PRRC1: variants seen among roughly 807,000 people sequenced by gnomAD.
PRRC1 encodes the protein proline rich coiled-coil 1, also known as protein PRRC1.
Under a neutral mutation model 40.7 loss-of-function variants are expected in PRRC1, and 39 were observed. That is an observed-to-expected ratio of 0.96 (90% CI 0.74 to 1.25). The LOEUF is 1.25. PRRC1 is among the 50% of genes most tolerant of loss of function. The pLI, the probability that PRRC1 is intolerant of heterozygous loss-of-function variation, is 0.00. For missense variants in PRRC1, 573 were observed against 548.3 expected, an observed-to-expected ratio of 1.05 and a Z score of -0.45; for synonymous variants, 175 against 193.3, an observed-to-expected ratio of 0.91 and a Z score of 0.79.
chr5:127,546,903 A>G (rs1234065061), intron 7 of PRRC1, among the ~76,000 whole-genome samples: 1 of 152,158 alleles, frequency 6.6e-6, no homozygotes, highest in Non-Finnish European at 1.5e-5. Context: ...AATGTTTTTA[A>G]TTTTAAAGTT....
At chr5:127,526,883 T>C in intron 4 of PRRC1, 105 bp downstream of exon 4, 2 of 1,014,512 alleles carry the variant, frequency 2.0e-6, no homozygotes, top group Non-Finnish European at 2.7e-6. Context: ...AAAAATAAAA[T>C]TCTTTTTTAT....
intron 2 of PRRC1, 42 bp from the exon 3 acceptor site, chr5:127,524,489 C>A: frequency 1.3e-6 from 2 of 1,519,816 alleles, no homozygotes; most frequent in South Asian, 1.3e-5. Flanking sequence ...AAATAAAAAA[C>A]ATTTCTAATT....
chr5:127,546,374 A>G (rs986637794), intron 7 of PRRC1, among the ~76,000 whole-genome samples: 10 of 152,184 alleles, frequency 6.6e-5, no homozygotes, highest in Admixed American at 1.3e-4. Context: ...ACTGATTCCA[A>G]TATCACGGTC....
chr5:127,552,815 G>C lies in PRRC1; in HGVS notation c.*899G>C, dbSNP rs2127122576. 1 of 985,524 alleles carries C rather than the reference G, an allele frequency of 1.0e-6. No homozygotes were observed. Among genetic ancestry groups the C allele is most frequent in the South Asian group, 4.7e-5 (1 of 21,280 alleles). The allele number at this position is 985,524 out of a possible 1,614,324, so 61.0% of individuals were successfully genotyped here. A position where few individuals can be genotyped will look rare whatever the true frequency, so the allele number is the denominator to read the frequency against. On this transcript the variant is annotated 3_prime_UTR_variant, in exon 9 of 9. Coordinates refer to ENST00000296666, the MANE Select transcript of PRRC1 (RefSeq NM_130809.5). ...GGGTTACTTTATTGCTTGTGGGTTA[G>C]TATGTCTCTTACTTCAATTAAGGTT...
At chr5:127,522,528 C>T (rs564493548) in intron 1 of PRRC1, among the ~76,000 whole-genome samples, 1 of 152,042 alleles carries the variant, frequency 6.6e-6, no homozygotes, top group Admixed American at 6.5e-5. Context: ...GTTGCTGGGA[C>T]CATAGGCACA....
chr5:127,519,700 T>A (rs1441744742), intron 1 of PRRC1, among the ~76,000 whole-genome samples: 1 of 152,214 alleles, frequency 6.6e-6, no homozygotes, highest in Non-Finnish European at 1.5e-5. Flanking sequence ...GGTATTCTCT[T>A]ACGTAATCTC....
chr5:127,522,947 T>C (rs2127089556), intron 1 of PRRC1, among the ~76,000 whole-genome samples: 1 of 152,132 alleles, frequency 6.6e-6, no homozygotes, highest in East Asian at 1.9e-4. Context: ...CATTTTTATT[T>C]TAAATTTAAT....
chr5:127,548,077 GA>G, intron 8 of PRRC1, 156 bp downstream of exon 8: 1 of 695,934 alleles, frequency 1.4e-6, no homozygotes, highest in Non-Finnish European at 2.6e-6. Flanking sequence ...TTAATTTCCT[GA>G]TCCTTCCATG....
chr5:127,543,212 C>G (rs1440496294), intron 7 of PRRC1, among the ~76,000 whole-genome samples: 4 of 152,342 alleles, frequency 2.6e-5, no homozygotes, highest in African/African-American at 9.6e-5. Flanking sequence ...CCACTCTCTT[C>G]TGGCTTGTAG....
chr5:127,533,492 A>C, intron 5 of PRRC1, 131 bp from the exon 6 acceptor site: 2 of 816,680 alleles, frequency 2.4e-6, no homozygotes, highest in South Asian at 3.9e-5. Flanking sequence ...AAAGATAATG[A>C]TCTATATCTT....
rs777554829 is a variant in PRRC1, at chr5:127,524,660, C to T, written c.233C>T (p.Pro78Leu). ...PSAPLPFVPP[P>L]AVPSVPPLVT... ...GCACCATTACCTTTTGTGCCTCCTC[C>T]TGCAGTTCCTTCTGTCCCACCACTT... The change falls in exon 3 of 9, where the codon CCT becomes CTT. Residue 78 changes from proline (P) to leucine (L), a missense_variant. Physicochemically the swap from Pro to Leu is moderately conservative, Grantham distance 98. Transcript: ENST00000296666. 6.2e-7 allele frequency: 1 copy of T among 1,614,188 alleles called. No individual in the cohort carries two copies. The highest frequency in any genetic ancestry group is 1.1e-5 in the South Asian group (1 of 91,074).
chr5:127,538,961 T>C (rs1488016650), intron 6 of PRRC1, 79 bp from the exon 7 acceptor site: 1 of 937,362 alleles, frequency 1.1e-6, no homozygotes. Context: ...AATGTATGCA[T>C]GTATTGTGTA....
intron 4 of PRRC1, 109 bp from the exon 5 acceptor site, chr5:127,530,185 C>A (rs2127097491): frequency 1.4e-6 from 1 of 727,172 alleles, no homozygotes. Context: ...TACAAAAGTA[C>A]TGGTTTAGGA....
chr5:127,553,840 G>A lies in PRRC1; in HGVS notation c.*1924G>A, dbSNP rs1341106429. On this transcript the variant is annotated 3_prime_UTR_variant, in exon 9 of 9. Transcript: ENST00000296666. ...TCCCCAAAGAGCAGTGGCAGTCCAT[G>A]GCTTGGTTGAAGCTAGAAATTTTCC... The A allele has an allele frequency of 5.2e-6, 8 of 1,535,692 alleles. No homozygotes were observed. Among genetic ancestry groups the A allele is most frequent in the Admixed American group, 2.0e-5 (1 of 50,970 alleles).
At position 127,553,756 on chromosome 5, in the gene PRRC1, G is replaced by C; in HGVS notation, c.*1840G>C. On this transcript the variant is annotated 3_prime_UTR_variant, in exon 9 of 9. Transcript: ENST00000296666. ...CACAAATGTCTTTTTGATGTTTTGA[G>C]AATTGTTCTCATAGAATCACAAATA... 1 of 1,527,394 alleles carries C rather than the reference G, an allele frequency of 6.5e-7. No individual in the cohort carries two copies. The highest frequency in any genetic ancestry group is 2.5e-5 in the East Asian group (1 of 40,648). The allele number at this position is 1,527,394 out of a possible 1,614,324, so 94.6% of individuals were successfully genotyped here.
At position 127,543,204 on chromosome 5, in the gene PRRC1, ACT is replaced by A. The variant is rs1197697586; in HGVS notation, c.1025+4066_1025+4067del. On this transcript the variant is annotated intron_variant, in intron 7 of 8. Coordinates refer to ENST00000296666, the MANE Select transcript of PRRC1 (RefSeq NM_130809.5). ...TTAAGAATGTTGAATATTGGCCCCCACTCTCTTCTGGCTTGTAGAGTTTCTGC... is the reference window on the plus strand; with the variant it reads ...TTAAGAATGTTGAATATTGGCCCCCACTCTTCTGGCTTGTAGAGTTTCTGC... Among the ~76,000 whole-genome samples, 6 of 152,056 alleles carry A rather than the reference ACT, an allele frequency of 3.9e-5. No individual in the cohort carries two copies. In the South Asian group the frequency reaches 6.2e-4, roughly 16 times the overall value.
chr5:127,527,719 C>A, intron 4 of PRRC1, among the ~76,000 whole-genome samples: 1 of 131,538 alleles, frequency 7.6e-6, no homozygotes. Flanking sequence ...GATCATGATA[C>A]TACATTCCAG....
intron 7 of PRRC1, among the ~76,000 whole-genome samples, chr5:127,541,615 A>G (rs1206579714): frequency 9.2e-5 from 14 of 152,228 alleles, no homozygotes; most frequent in South Asian, 2.1e-4. Flanking sequence ...GAGTGTATGT[A>G]TCGAGGAATT....
At chr5:127,548,746 T>A (rs1768293615) in intron 8 of PRRC1, 1 of 152,278 alleles carries the variant, frequency 6.6e-6, no homozygotes, top group East Asian at 1.9e-4. Flanking sequence ...CTTTGGCATA[T>A]GTGTTCACAT....
Sources: allele counts gnomAD v4.1 joint callset (sites outside exome capture counted in the v4.1 genomes callset), GRCh38; gene constraint gnomAD v4.1.1; transcripts MANE v1.5; gene names NCBI Gene and HGNC (gene_info 2026-07-23, HGNC 2026-07-21).